Variants in MCPH1 observed in about 807,000 individuals in gnomAD.
The protein encoded by MCPH1 is microcephalin.
A neutral mutation model predicts 84.5 loss-of-function variants in MCPH1; 104 were observed. The observed-to-expected ratio is 1.23, with a 90% CI of 1.05 to 1.45. The LOEUF (loss-of-function observed/expected upper bound fraction) is 1.45. MCPH1 is among the 40% of genes most tolerant of loss of function. MCPH1 has a pLI of 0.00. For missense variants in MCPH1, 1,498 were observed against 1,005.7 expected, an observed-to-expected ratio of 1.49 and a Z score of -6.62; for synonymous variants, 514 against 366.8, an observed-to-expected ratio of 1.40 and a Z score of -4.58.
At chr8:6,412,439 A>G (rs1798667789) in intron 2 of MCPH1, among the ~76,000 whole-genome samples, 1 of 152,244 alleles carries the variant, frequency 6.6e-6, no homozygotes, top group South Asian at 2.1e-4. Flanking sequence ...ATACAGATCA[A>G]TAGTCGTTAA....
chr8:6,640,259 C>A (rs1422303228), intron 13 of MCPH1, among the ~76,000 whole-genome samples: 1 of 152,038 alleles, frequency 6.6e-6, no homozygotes, highest in Non-Finnish European at 1.5e-5. Context: ...TTACTGTGCC[C>A]TAGGATATGT....
At chr8:6,409,065 T>A (rs1157264874) in intron 1 of MCPH1, among the ~76,000 whole-genome samples, 2 of 152,058 alleles carry the variant, frequency 1.3e-5, no homozygotes, top group African/African-American at 2.4e-5. Flanking sequence ...TTTGTATCTT[T>A]TAGTAGAGAT....
intron 13 of MCPH1, among the ~76,000 whole-genome samples, chr8:6,638,367 C>G (rs978538720): frequency 6.6e-6 from 1 of 152,154 alleles, no homozygotes; most frequent in African/African-American, 2.4e-5. Flanking sequence ...TGCTCTTGAA[C>G]TTCTGTACAT....
At chr8:6,454,746 C>A (rs1706985170) in intron 8 of MCPH1, among the ~76,000 whole-genome samples, 1 of 152,170 alleles carries the variant, frequency 6.6e-6, no homozygotes, top group African/African-American at 2.4e-5. Flanking sequence ...AAATCTCAAA[C>A]TGACCCCAAA....
chr8:6,619,715 G>T (rs1369617737), intron 12 of MCPH1, among the ~76,000 whole-genome samples: 1 of 152,134 alleles, frequency 6.6e-6, no homozygotes, highest in Non-Finnish European at 1.5e-5. Context: ...CTCCCGAGTA[G>T]CTGGGACTAC....
At chr8:6,538,501 C>T (rs1820916680) in intron 12 of MCPH1, among the ~76,000 whole-genome samples, 1 of 152,164 alleles carries the variant, frequency 6.6e-6, no homozygotes, top group Non-Finnish European at 1.5e-5. Flanking sequence ...CACACACCGC[C>T]TCCTGACTGG....
intron 1 of MCPH1, among the ~76,000 whole-genome samples, chr8:6,408,255 GTCT>G (rs1204713647): frequency 6.6e-6 from 1 of 152,230 alleles, no homozygotes. Context: ...ATGAGACAGA[GTCT>G]TACTCTCTTG....
chr8:6,519,703 TG>T (rs770719979), intron 12 of MCPH1, among the ~76,000 whole-genome samples: 2 of 152,248 alleles, frequency 1.3e-5, no homozygotes, highest in Non-Finnish European at 2.9e-5. Flanking sequence ...TTAGAGCCCT[TG>T]GCAAGCACTC....
At chr8:6,603,252 C>G (rs1460286621) in intron 12 of MCPH1, among the ~76,000 whole-genome samples, 1 of 152,052 alleles carries the variant, frequency 6.6e-6, no homozygotes, top group Non-Finnish European at 1.5e-5. Context: ...TGAATAGTTT[C>G]AGAAGGGCCA....
intron 5 of MCPH1, among the ~76,000 whole-genome samples, chr8:6,437,265 T>C (rs2129554717): frequency 6.6e-6 from 1 of 152,224 alleles, no homozygotes; most frequent in East Asian, 1.9e-4. Context: ...GGAGTCTTTC[T>C]CCATCACCAG....
intron 2 of MCPH1, 119 bp downstream of exon 2, chr8:6,409,489 C>A: frequency 1.3e-6 from 1 of 794,656 alleles, no homozygotes; most frequent in South Asian, 1.4e-5. Context: ...AATGGGTAAG[C>A]GGTGGGAGAA....
chr8:6,444,714 G>C lies in MCPH1; in HGVS notation c.992G>C (p.Arg331Pro), dbSNP rs373336510. The change falls in exon 8 of 14, where the codon CGT (arginine) becomes CCT (proline). Residue 331 changes from arginine (R) to proline (P), a missense_variant. Physicochemically the swap from Arg to Pro is moderately radical, Grantham distance 103. Coordinates refer to ENST00000344683, the MANE Select transcript of MCPH1 (RefSeq NM_024596.5). ...CAGGAGACGTTTGAAGAGAAGTATCGTTTGTCTCCTACCTTATCTTCAACA... is the reference window on the plus strand; with the variant it reads ...CAGGAGACGTTTGAAGAGAAGTATCCTTTGTCTCCTACCTTATCTTCAACA... ...MSQETFEEKY[R>P]LSPTLSSTKG... is the part of the protein sequence containing the mutation. 50 of 1,613,852 alleles carry C rather than the reference G, an allele frequency of 3.1e-5. No homozygotes were observed. Among genetic ancestry groups the C allele is most frequent in the Non-Finnish European group, 3.7e-5 (44 of 1,179,996 alleles).
intron 9 of MCPH1, among the ~76,000 whole-genome samples, chr8:6,468,247 A>T (rs1807241644): frequency 6.6e-6 from 1 of 152,122 alleles, no homozygotes; most frequent in South Asian, 2.1e-4. Context: ...GTAGGCTGGA[A>T]TTCCCTATGG....
At chr8:6,641,376 T>C (rs1797923479) in intron 13 of MCPH1, among the ~76,000 whole-genome samples, 1 of 152,188 alleles carries the variant, frequency 6.6e-6, no homozygotes, top group African/African-American at 2.4e-5. Flanking sequence ...AAAAGCCAGA[T>C]GCAATAAGAC....
In MCPH1 at chr8:6,526,434, C is replaced by CA. The variant is rs796967069; in HGVS notation, c.2214+26515dup. The stretch of plus-strand genomic sequence containing the variant: ...GGGCAACCAGAGTGAGACCCTGTCT[C>CA]AAAAAAAAAACACAGAAAAGAAAAT... On this transcript the variant is annotated intron_variant, in intron 12 of 13. Coordinates refer to ENST00000344683, the MANE Select transcript of MCPH1 (RefSeq NM_024596.5). Among the ~76,000 whole-genome samples the CA allele has an allele frequency of 6.1e-3, 848 of 138,840 alleles. 5 individuals are homozygous for CA. The highest frequency in any genetic ancestry group is 0.018 in the African/African-American group (687 of 37,586). The allele number at this position is 138,840 out of a possible 152,430, so 91.1% of individuals were successfully genotyped here. A position where few individuals can be genotyped will look rare whatever the true frequency, so the allele number is the denominator to read the frequency against.
At chr8:6,637,195 T>A (rs1331895953) in intron 13 of MCPH1, among the ~76,000 whole-genome samples, 4 of 152,188 alleles carry the variant, frequency 2.6e-5, no homozygotes, top group African/African-American at 9.7e-5. Flanking sequence ...ATATACAGCC[T>A]TTGCCCTTGT....
intron 12 of MCPH1, chr8:6,562,691 C>G (rs1825743523): frequency 6.2e-7 from 1 of 1,608,442 alleles, no homozygotes; most frequent in Non-Finnish European, 8.5e-7. Flanking sequence ...TTCTCCAGCA[C>G]TTGCAGCCTC....
intron 2 of MCPH1, among the ~76,000 whole-genome samples, chr8:6,412,182 C>G (rs908499113): frequency 3.3e-5 from 5 of 152,110 alleles, no homozygotes; most frequent in Admixed American, 2.6e-4. Context: ...GGAGCAGGGC[C>G]TGCACTGCAG....
chr8:6,506,329 C>T (rs1057408394), intron 12 of MCPH1, among the ~76,000 whole-genome samples: 1 of 152,016 alleles, frequency 6.6e-6, no homozygotes, highest in African/African-American at 2.4e-5. Context: ...GGAATTTGAC[C>T]TCTTCACAGG....
Sources: gnomAD v4.1 joint callset for allele counts (sites outside exome capture counted in the v4.1 genomes callset) on GRCh38, gnomAD v4.1.1 for gene constraint, MANE v1.5 for transcripts, NCBI Gene and HGNC (gene_info 2026-07-23, HGNC 2026-07-21) for gene names.